The following TCF4 variants were observed in gnomAD, a reference collection of about 807,000 sequenced individuals.
The protein encoded by TCF4 is SL3-3 enhancer factor 2.
In TCF4, 3 loss-of-function variants were observed where a neutral mutation model predicts 82.1. The observed-to-expected ratio is 0.04, with a 90% CI of 0.02 to 0.09. The LOEUF (loss-of-function observed/expected upper bound fraction) is 0.09. TCF4 is among the 10% of genes least tolerant of loss of function. TCF4 has a pLI of 1.00. For missense variants in TCF4, 518 were observed against 852.7 expected (o/e 0.61, Z 4.89); for synonymous variants, 276 against 309.6 (o/e 0.89, Z 1.14).
chr18:55,369,913 T>TTGTGTGTG (rs3838896), intron 6 of TCF4, among the ~76,000 whole-genome samples: 2 of 150,824 alleles, frequency 1.3e-5, no homozygotes, highest in East Asian at 2.0e-4. Context: ...AGAGTTTTAT[T>TTGTGTGTG]TGTGTGTGTG....
At chr18:55,333,180 C>G (rs2077934886) in intron 8 of TCF4, among the ~76,000 whole-genome samples, 1 of 152,030 alleles carries the variant, frequency 6.6e-6, no homozygotes, top group East Asian at 1.9e-4. Context: ...AAAGAGACAC[C>G]TGGTAGCAAT....
rs898579644 is a variant in TCF4, at chr18:55,350,214, T to A, written c.549+145A>T. On this transcript the variant is annotated intron_variant, in intron 8 of 19. Coordinates refer to ENST00000354452, the MANE Select transcript of TCF4 (RefSeq NM_001083962.2). ...CTCCAATGTGGGTCAGGTGGCTGGA[T>A]GTGCAGGTCATTTCTACCTCATCCA... The A allele has an allele frequency of 1.3e-5, 10 of 797,024 alleles. No homozygotes were observed. In the East Asian group the frequency reaches 2.7e-4, roughly 21 times the overall value. The allele number at this position is 797,024 out of a possible 1,614,324, so 49.4% of individuals were successfully genotyped here. A position where few individuals can be genotyped will look rare whatever the true frequency, so the allele number is the denominator to read the frequency against.
intron 3 of TCF4, among the ~76,000 whole-genome samples, chr18:55,480,625 C>A (rs2096406305): frequency 6.6e-6 from 1 of 152,196 alleles, no homozygotes; most frequent in South Asian, 2.1e-4. Context: ...AACTGCTACA[C>A]CTCAACATTT....
chr18:55,389,031 C>A (rs1032371619), intron 6 of TCF4, among the ~76,000 whole-genome samples: 3 of 151,882 alleles, frequency 2.0e-5, no homozygotes, highest in Admixed American at 1.3e-4. Context: ...GAGACTGAGG[C>A]AGAAGAATGG....
In TCF4 at chr18:55,426,957, T is replaced by G. The variant is rs902077846; in HGVS notation, c.305-23439A>C. 6.6e-5 allele frequency among the ~76,000 whole-genome samples: 10 copies of G among 152,032 alleles called. No individual in the cohort carries two copies. The South Asian group carries it at 1.7e-3, about 25-fold the overall frequency. ...AACAATGTTCTTTCCCAAAATACAG[T>G]CTTTTACTTTTAAGGAGCTAAGGTT... On this transcript the variant is annotated intron_variant, in intron 5 of 19. Transcript: ENST00000354452.
At chr18:55,241,257 T>C (rs2051126665) in intron 15 of TCF4, among the ~76,000 whole-genome samples, 1 of 152,218 alleles carries the variant, frequency 6.6e-6, no homozygotes, top group Non-Finnish European at 1.5e-5. Flanking sequence ...CATTTCTCTC[T>C]TCTGTGTCCC....
At chr18:55,395,116 TTC>T (rs1383547152) in intron 6 of TCF4, among the ~76,000 whole-genome samples, 5 of 152,212 alleles carry the variant, frequency 3.3e-5, no homozygotes, top group African/African-American at 9.6e-5. Flanking sequence ...CAATAAATAT[TTC>T]TGTCATTTCA....
upstream of TCF4, chr18:55,588,228 A>C: frequency 7.3e-7 from 1 of 1,372,084 alleles, no homozygotes. Context: ...CTTAACACCA[A>C]CTCTCTTCTC....
intron 2 of TCF4, among the ~76,000 whole-genome samples, chr18:55,602,714 G>A (rs2097698397): frequency 6.6e-6 from 1 of 152,120 alleles, no homozygotes; most frequent in Non-Finnish European, 1.5e-5. Context: ...CTCTTACATG[G>A]TTTTAGATGT....
chr18:55,346,683 A>G (rs180850047), intron 8 of TCF4, among the ~76,000 whole-genome samples: 1 of 152,318 alleles, frequency 6.6e-6, no homozygotes, highest in East Asian at 1.9e-4. Flanking sequence ...TCTGAAGTAG[A>G]AAGTTTGTAG....
chr18:55,506,660 G>C (rs1351552023), intron 3 of TCF4, among the ~76,000 whole-genome samples: 5 of 151,956 alleles, frequency 3.3e-5, no homozygotes, highest in Admixed American at 1.3e-4. Context: ...TCTAAGAGAG[G>C]GATAGGTTTT....
At chr18:55,554,194 T>C (rs1199032977) in intron 3 of TCF4, among the ~76,000 whole-genome samples, 4 of 152,188 alleles carry the variant, frequency 2.6e-5, no homozygotes, top group Admixed American at 6.5e-5. Context: ...TAGACTCTTA[T>C]GGGTAATGCC....
intron 8 of TCF4, among the ~76,000 whole-genome samples, chr18:55,323,128 G>A (rs1470743075): frequency 1.3e-5 from 2 of 151,856 alleles, no homozygotes; most frequent in African/African-American, 4.8e-5. Flanking sequence ...GGCGGGGGGA[G>A]GTACAAAAAA....
At chr18:55,338,366 A>G (rs1459743878) in intron 8 of TCF4, among the ~76,000 whole-genome samples, 2 of 152,210 alleles carry the variant, frequency 1.3e-5, no homozygotes, top group Non-Finnish European at 2.9e-5. Flanking sequence ...TTGAAAGCAC[A>G]GGGGACGGAG....
At chr18:55,262,423 T>C (rs998939238) in intron 11 of TCF4, among the ~76,000 whole-genome samples, 1 of 152,248 alleles carries the variant, frequency 6.6e-6, no homozygotes, top group African/African-American at 2.4e-5. Flanking sequence ...GGGTATGTTG[T>C]ATTTACTAAA....
intron 3 of TCF4, among the ~76,000 whole-genome samples, chr18:55,531,964 C>G (rs2097068515): frequency 6.6e-6 from 1 of 152,072 alleles, no homozygotes; most frequent in South Asian, 2.1e-4. Flanking sequence ...AAATAGCTGT[C>G]AAAAATATAA....
At chr18:55,576,549 C>CA (rs1259466396) in intron 3 of TCF4, among the ~76,000 whole-genome samples, 31 of 152,218 alleles carry the variant, frequency 2.0e-4, no homozygotes, top group Middle Eastern at 6.8e-3. Context: ...CTTTAATCTA[C>CA]CCTTTCCAGT....
At chr18:55,488,799 T>G (rs2096545290) in intron 3 of TCF4, among the ~76,000 whole-genome samples, 1 of 152,208 alleles carries the variant, frequency 6.6e-6, no homozygotes, top group Non-Finnish European at 1.5e-5. Context: ...CTCTTTGTAA[T>G]TCAGAAGTGT....
intron 3 of TCF4, among the ~76,000 whole-genome samples, chr18:55,478,159 A>T (rs866837601): frequency 3.9e-5 from 6 of 152,356 alleles, no homozygotes; most frequent in Middle Eastern, 3.4e-3. Context: ...GATTTATCTG[A>T]TGAGATTAGC....
Sources: allele counts gnomAD v4.1 joint callset (sites outside exome capture counted in the v4.1 genomes callset), GRCh38; gene constraint gnomAD v4.1.1; transcripts MANE v1.5; gene names NCBI Gene and HGNC (gene_info 2026-07-23, HGNC 2026-07-21).